POLE: variants seen among roughly 807,000 people sequenced by gnomAD.
POLE encodes the protein DNA polymerase epsilon, catalytic subunit, also known as DNA polymerase epsilon catalytic subunit A.
Under a neutral mutation model 279.2 loss-of-function variants are expected in POLE, and 188 were observed. That is an observed-to-expected ratio of 0.67 (90% CI 0.60 to 0.76). POLE has a LOEUF of 0.76. Ranked by LOEUF, POLE falls within the 30% of genes least tolerant of loss-of-function variation. The probability of loss-of-function intolerance (pLI) is 0.00; values close to 1 mark genes in which losing one functional copy is unlikely to be tolerated. For synonymous variants in POLE, 1,214 were observed against 1,172.5 expected (o/e 1.04, Z -0.72); for missense variants, 2,703 against 3,016.7 (o/e 0.90, Z 2.44).
rs2041838354 is a variant in POLE, at chr12:132,626,280, T to G, written c.6368A>C (p.Asn2123Thr). The change falls in exon 46 of 49, where the codon AAT becomes ACT. Residue 2123 changes from asparagine to threonine, a missense_variant. Coordinates refer to ENST00000320574, the MANE Select transcript of POLE (RefSeq NM_006231.4). ...SLDTNITNQVNKLNRDLLRLV... is the reference protein window; with the variant it reads ...SLDTNITNQVTKLNRDLLRLV... ...GCGAAGCAGGTCTCGGTTCAGCTTA[T>G]TCACCTGGTTTGTGATGTTGGTGTC... 1 of 1,613,828 alleles carries G rather than the reference T, an allele frequency of 6.2e-7. No homozygotes were observed. The highest frequency in any genetic ancestry group is 8.5e-7 in the Non-Finnish European group (1 of 1,180,028).
At position 132,679,903 on chromosome 12, in the gene POLE, C is replaced by A. The variant is rs761504360; in HGVS notation, c.423+51G>T. The A allele has an allele frequency of 1.1e-5, 15 of 1,334,958 alleles. No homozygotes were observed. The South Asian group carries it at 1.9e-4, about 17-fold the overall frequency. 82.7% of individuals were successfully genotyped at this position (1,334,958 alleles called of 1,614,324 possible). A position where few individuals can be genotyped will look rare whatever the true frequency, so the allele number is the denominator to read the frequency against. On this transcript the variant is annotated intron_variant, in intron 5 of 48. Transcript: ENST00000320574. ...CTCTTCCGATCCCACCTGCCAGGAACAATGTAGACTCTGGCCTCATTTACC... is the reference window on the plus strand; with the variant it reads ...CTCTTCCGATCCCACCTGCCAGGAAAAATGTAGACTCTGGCCTCATTTACC...
intron 43 of POLE, 110 bp from the exon 44 acceptor site, chr12:132,632,905 T>C (rs1366053850): frequency 8.3e-7 from 1 of 1,209,338 alleles, no homozygotes; most frequent in Non-Finnish European, 1.1e-6. Context: ...GGCTAAAATG[T>C]CATTGTTAAT....
At chr12:132,643,648 C>A (rs2042208023) in intron 33 of POLE, 88 bp from the exon 34 acceptor site, 5 of 1,567,924 alleles carry the variant, frequency 3.2e-6, no homozygotes, top group Non-Finnish European at 3.5e-6. Context: ...TGTGGCTGTG[C>A]CCCTGCAGCT....
Position 132,642,303 on chromosome 12 carries a change from G to A in POLE, c.5047C>T (p.Leu1683=), listed in dbSNP as rs745328319. The change falls in exon 38 of 49, where the codon CTG becomes TTG. Residue 1683 remains leucine (L), a synonymous_variant. Transcript: ENST00000320574. ...CGGGCTGTAGGGGACAGCCAGAGCAGGTGGTTGTGGCGCTGGAGGTGGCGG... is the reference window on the plus strand; with the variant it reads ...CGGGCTGTAGGGGACAGCCAGAGCAAGTGGTTGTGGCGCTGGAGGTGGCGG... ...FARHLQRHNH[L]LWLSPTARPD... 6.2e-7 allele frequency: 1 copy of A among 1,603,950 alleles called. No homozygotes were observed. The highest frequency in any genetic ancestry group is 8.5e-7 in the Non-Finnish European group (1 of 1,174,976).
chr12:132,658,155 C>CGT (rs10649524), intron 26 of POLE, 185 bp from the exon 27 acceptor site: 17 of 548,726 alleles, frequency 3.1e-5, no homozygotes, highest in Admixed American at 6.4e-5. Context: ...GTAACACGTG[C>CGT]GTATGTGTAA....
intron 20 of POLE, among the ~76,000 whole-genome samples, chr12:132,666,454 C>T (rs1450507148): frequency 6.6e-6 from 1 of 152,204 alleles, no homozygotes; most frequent in East Asian, 1.9e-4. Flanking sequence ...CGTGATGGTA[C>T]GCCTGTGGTC....
intron 15 of POLE, 48 bp from the exon 16 acceptor site, chr12:132,672,370 C>A (rs747368711): frequency 6.8e-7 from 1 of 1,460,382 alleles, no homozygotes; most frequent in Non-Finnish European, 9.6e-7. Context: ...CACACCCACA[C>A]TAGCCTGCCT....
Position 132,624,793 on chromosome 12 carries a change from G to C in POLE, c.6765C>G (p.Ile2255Met), listed in dbSNP as rs376336585. 5.0e-6 allele frequency: 8 copies of C among 1,612,284 alleles called. No individual in the cohort carries two copies. In the African/African-American group the frequency reaches 6.7e-5, roughly 13 times the overall value. ...TIHTQVFMEQ[I>M]GIFRNIAQHY... ...GCTGGGCAATGTTCCGGAATATTCC[G>C]ATCTGTTCCATGAAGACCTGCAGGA... is the stretch of plus-strand genomic sequence containing the variant. Residue 2255 changes from isoleucine to methionine, a missense_variant, in exon 49 of 49, where the codon ATC becomes ATG. By Grantham distance (10) the Ile-to-Met change is conservative. Transcript: ENST00000320574.
At position 132,677,106 on chromosome 12, in the gene POLE, CG is replaced by C. The variant is rs1393518673; in HGVS notation, c.801+256del. Among the ~76,000 whole-genome samples the C allele has an allele frequency of 2.2e-4, 34 of 152,328 alleles. 1 individual carries two copies. The highest frequency in any genetic ancestry group is 1.2e-4 in the Non-Finnish European group (8 of 68,028). On this transcript the variant is annotated intron_variant, in intron 8 of 48. Coordinates refer to ENST00000320574, the MANE Select transcript of POLE (RefSeq NM_006231.4). ...GTCCCTTCACTATCAACTACCCAAA[CG>C]GAAGTCCCAGCTTTCCCTCGAGTGT...
At chr12:132,658,503 C>T (rs1391006048) in intron 26 of POLE, 3 of 154,676 alleles carry the variant, frequency 1.9e-5, no homozygotes, top group African/African-American at 7.2e-5. Context: ...CAAACGTGCA[C>T]GTTCATAACC....
intron 30 of POLE, 75 bp from the exon 31 acceptor site, chr12:132,649,590 G>T: frequency 6.3e-7 from 1 of 1,595,212 alleles, no homozygotes. Context: ...CTCACAAGCA[G>T]CCTCCCTAGG....
chr12:132,662,809 C>T (rs1340240452), intron 23 of POLE, among the ~76,000 whole-genome samples: 4 of 152,206 alleles, frequency 2.6e-5, no homozygotes, highest in Non-Finnish European at 4.4e-5. Context: ...CCAAGGGGAA[C>T]ACGTGGAGCA....
intron 32 of POLE, 129 bp downstream of exon 32, chr12:132,648,800 G>T: frequency 9.7e-7 from 1 of 1,035,844 alleles, no homozygotes; most frequent in Non-Finnish European, 1.4e-6. Flanking sequence ...CACACACGTT[G>T]TTTTGAGGAA....
chr12:132,679,782 C>T (rs1420653325), intron 5 of POLE, 131 bp from the exon 6 acceptor site: 11 of 1,115,486 alleles, frequency 9.9e-6, no homozygotes, highest in East Asian at 2.4e-5. Context: ...CAACTCTGCA[C>T]GTGGCACCAA....
At chr12:132,658,091 G>A in intron 26 of POLE, 121 bp from the exon 27 acceptor site, 2 of 683,148 alleles carry the variant, frequency 2.9e-6, no homozygotes, top group African/African-American at 1.8e-5. Flanking sequence ...AAACATCAAT[G>A]TATACATCTG....
intron 39 of POLE, among the ~76,000 whole-genome samples, chr12:132,640,606 A>G (rs1489947376): frequency 3.9e-5 from 6 of 152,212 alleles, no homozygotes; most frequent in Non-Finnish European, 8.8e-5. Context: ...TGGTACTGGA[A>G]CCCCAATTCA....
At chr12:132,676,850 C>T (rs1172441430) in intron 8 of POLE, among the ~76,000 whole-genome samples, 197 bp from the exon 9 acceptor site, 1 of 152,114 alleles carries the variant, frequency 6.6e-6, no homozygotes, top group African/African-American at 2.4e-5. Context: ...ACTGACATAC[C>T]TAAGAGAGCA....
intron 45 of POLE, among the ~76,000 whole-genome samples, chr12:132,632,060 A>G (rs2041943536): frequency 6.6e-6 from 1 of 152,144 alleles, no homozygotes; most frequent in South Asian, 2.1e-4. Context: ...AGTAACTTAC[A>G]CCTGCTCCTC....
At chr12:132,669,820 C>A (rs1192660354) in intron 16 of POLE, among the ~76,000 whole-genome samples, 1 of 152,202 alleles carries the variant, frequency 6.6e-6, no homozygotes, top group Admixed American at 6.5e-5. Context: ...CCCCAGCCAC[C>A]CTCCGCCCAA....
Sources: allele counts gnomAD v4.1 joint callset (sites outside exome capture counted in the v4.1 genomes callset), GRCh38; gene constraint gnomAD v4.1.1; transcripts MANE v1.5; gene names NCBI Gene and HGNC (gene_info 2026-07-23, HGNC 2026-07-21).